PNPLA8: variants seen among roughly 807,000 people sequenced by gnomAD.
The protein encoded by PNPLA8 is patatin like domain 8, phospholipase A2.
Under a neutral mutation model 76.9 loss-of-function variants are expected in PNPLA8, and 39 were observed. That is an observed-to-expected ratio of 0.51 (90% CI 0.39 to 0.66). The LOEUF (loss-of-function observed/expected upper bound fraction) is 0.66. Among genes scored for constraint, PNPLA8 ranks in the 30% least tolerant of loss-of-function variants. PNPLA8 has a pLI of 0.00. For synonymous variants in PNPLA8, 301 were observed against 307.9 expected (o/e 0.98, Z 0.24); for missense variants, 887 against 918.0 (o/e 0.97, Z 0.44).
At chr7:108,488,032 A>G in intron 8 of PNPLA8, 79 bp from the exon 9 acceptor site, 1 of 758,440 alleles carries the variant, frequency 1.3e-6, no homozygotes, top group Non-Finnish European at 2.2e-6. Context: ...ACTATTTAGT[A>G]GTATGAATGA....
rs1005830372 is a variant in PNPLA8, at chr7:108,514,725, T to A, written c.767A>T (p.Tyr256Phe). 1 of 1,613,834 alleles carries A rather than the reference T, an allele frequency of 6.2e-7. No individual in the cohort carries two copies. The highest frequency in any genetic ancestry group is 1.3e-5 in the African/African-American group (1 of 74,898). Residue 256 changes from tyrosine (Y) to phenylalanine (F), a missense_variant, in exon 3 of 11, where the codon TAT becomes TTT. Tyr to Phe is a conservative substitution (Grantham distance 22). Coordinates refer to ENST00000257694, the MANE Select transcript of PNPLA8 (RefSeq NM_001256007.3). ...ATGTACAGATTCTGAGCCTGGCTTA[T>A]AAGCCAGGATGCCAGGATCTGGAGA... is the stretch of plus-strand genomic sequence containing the variant. Reference protein sequence around the residue: ...LRSPDPGILAYKPGSESVHTV... With the variant: ...LRSPDPGILAFKPGSESVHTV...
At chr7:108,503,154 C>T (rs1226837648) in intron 4 of PNPLA8, among the ~76,000 whole-genome samples, 2 of 152,094 alleles carry the variant, frequency 1.3e-5, no homozygotes, top group East Asian at 3.8e-4. Context: ...AAAAGCAGGC[C>T]ACTACAATTA....
At chr7:108,478,593 C>T (rs574401573) in intron 10 of PNPLA8, among the ~76,000 whole-genome samples, 16 of 152,118 alleles carry the variant, frequency 1.1e-4, no homozygotes, top group South Asian at 1.0e-3. Flanking sequence ...TGTTTTACCA[C>T]ACTGATCAGG....
intron 7 of PNPLA8, among the ~76,000 whole-genome samples, chr7:108,495,568 T>C (rs1007666415): frequency 7.9e-5 from 12 of 152,182 alleles, no homozygotes; most frequent in African/African-American, 2.4e-5. Context: ...GTTTTCTCGA[T>C]ATATTTTCTA....
At chr7:108,520,057 C>T (rs1863630292) in intron 2 of PNPLA8, among the ~76,000 whole-genome samples, 1 of 152,154 alleles carries the variant, frequency 6.6e-6, no homozygotes, top group South Asian at 2.1e-4. Context: ...CTGAAAATAG[C>T]TATATAAGTA....
In PNPLA8 at chr7:108,515,298, T is replaced by C. The variant is rs764276349; in HGVS notation, c.194A>G (p.His65Arg). 5 of 1,610,976 alleles carry C rather than the reference T, an allele frequency of 3.1e-6. No homozygotes were observed. Among genetic ancestry groups the C allele is most frequent in the Non-Finnish European group, 4.2e-6 (5 of 1,178,946 alleles). ...AGAGTAACAGTGCTTACTGCAAGAA[T>C]GTGCTTCACTTTTGGTCCATTTACA... is the stretch of plus-strand genomic sequence containing the variant. ...IRCKWTKSEA[H>R]SCSKHCYSPS... Residue 65 changes from histidine (H) to arginine (R), a missense_variant, in exon 3 of 11, where the codon CAT becomes CGT. Physicochemically the swap from His to Arg is conservative, Grantham distance 29. Transcript: ENST00000257694.
At chr7:108,490,601 G>A (rs1304468888) in intron 8 of PNPLA8, among the ~76,000 whole-genome samples, 1 of 152,018 alleles carries the variant, frequency 6.6e-6, no homozygotes, top group African/African-American at 2.4e-5. Flanking sequence ...GGCTAACATG[G>A]TGAAACCCTG....
Position 108,487,944 on chromosome 7 carries a change from C to CA in PNPLA8, c.1692dup (p.Val565CysfsTer7). 6.3e-7 allele frequency: 1 copy of CA among 1,597,798 alleles called. No individual in the cohort carries two copies. The highest frequency in any genetic ancestry group is 8.6e-7 in the Non-Finnish European group (1 of 1,168,362). ...ATCCCTCTATTTACTATGGTACTTA[C>CA]AGCAGCTACCTAGTGAATGAAAAAG... On this transcript the variant is annotated frameshift_variant, in exon 9 of 11. Coordinates refer to ENST00000257694, the MANE Select transcript of PNPLA8 (RefSeq NM_001256007.3). LOFTEE classifies it high-confidence loss of function.
intron 8 of PNPLA8, among the ~76,000 whole-genome samples, chr7:108,489,670 G>T (rs919536723): frequency 2.0e-5 from 3 of 152,156 alleles, no homozygotes; most frequent in Admixed American, 6.5e-5. Context: ...CTAGCAGTGG[G>T]TGTATAATTA....
rs67049113 is a variant in PNPLA8 at position 108,471,213 on chromosome 7, CTTTTTTTTTTTTT to C, written c.*1175_*1187del. ...TAAGGTAAAACAAGCCTAACTTCTTCTTTTTTTTTTTTTTTTTTTTGAGATGGAGTCTCGCTGT... is the reference window on the plus strand; with the variant it reads ...TAAGGTAAAACAAGCCTAACTTCTTCTTTTTTTGAGATGGAGTCTCGCTGT... On this transcript the variant is annotated 3_prime_UTR_variant, in exon 11 of 11. Transcript: ENST00000257694. 5 of 120,156 alleles carry C rather than the reference CTTTTTTTTTTTTT, an allele frequency of 4.2e-5. No individual in the cohort carries two copies. The highest frequency in any genetic ancestry group is 6.9e-5 in the Non-Finnish European group (4 of 57,902). 7.4% of individuals were successfully genotyped at this position (120,156 alleles called of 1,614,324 possible). A position where few individuals can be genotyped will look rare whatever the true frequency, so the allele number is the denominator to read the frequency against.
At chr7:108,477,550 TAGTAAAATG>T (rs1860087360) in intron 10 of PNPLA8, among the ~76,000 whole-genome samples, 1 of 152,106 alleles carries the variant, frequency 6.6e-6, no homozygotes, top group Admixed American at 6.6e-5. Flanking sequence ...AAAAACAAAA[TAGTAAAATG>T]AGGAAATCTA....
At chr7:108,475,656 T>C (rs1859936452) in intron 10 of PNPLA8, among the ~76,000 whole-genome samples, 1 of 152,212 alleles carries the variant, frequency 6.6e-6, no homozygotes, top group East Asian at 1.9e-4. Flanking sequence ...TTTAGTTTCC[T>C]TGGCCTCCTT....
upstream of PNPLA8, among the ~76,000 whole-genome samples, chr7:108,526,490 T>G (rs890869311): frequency 2.0e-5 from 3 of 152,160 alleles, no homozygotes; most frequent in African/African-American, 7.2e-5. Flanking sequence ...AGTGTCCTGG[T>G]TTGCTTGTTT....
rs1859640507 is a variant in PNPLA8, at chr7:108,471,663, A to ATC, written c.*736_*737dup. 1 of 152,232 alleles carries ATC rather than the reference A, an allele frequency of 6.6e-6. No individual in the cohort carries two copies. Among genetic ancestry groups the ATC allele is most frequent in the Admixed American group, 6.5e-5 (1 of 15,284 alleles). The allele number at this position is 152,232 out of a possible 1,614,324, so 9.4% of individuals were successfully genotyped here. On this transcript the variant is annotated 3_prime_UTR_variant, in exon 11 of 11. Transcript: ENST00000257694. ...GTTTATTTTTGTTAATGATAGGAAT[A>ATC]TCTCCTCAGTAAGTTCAAACCATTT...
At chr7:108,474,742 A>C (rs867439699) in intron 10 of PNPLA8, among the ~76,000 whole-genome samples, 1 of 152,214 alleles carries the variant, frequency 6.6e-6, no homozygotes. Flanking sequence ...TTGAGTTTAC[A>C]TGTATAAATC....
chr7:108,484,682 T>G (rs1860619963), intron 9 of PNPLA8, among the ~76,000 whole-genome samples: 1 of 152,206 alleles, frequency 6.6e-6, no homozygotes, highest in Non-Finnish European at 1.5e-5. Context: ...AAGCTGACCC[T>G]GACAGAATAA....
intron 5 of PNPLA8, among the ~76,000 whole-genome samples, chr7:108,502,037 A>C (rs976440064): frequency 6.6e-6 from 1 of 152,184 alleles, no homozygotes; most frequent in African/African-American, 2.4e-5. Flanking sequence ...CACTTAGATT[A>C]ATAAAGTATT....
rs1300131823 is a variant in PNPLA8, at chr7:108,471,181, G to A, written c.*1220C>T. On this transcript the variant is annotated 3_prime_UTR_variant, in exon 11 of 11. Transcript: ENST00000257694. ...TCCATGAAATCCAGACAGTTCAAAG[G>A]AGTTAATAAGGTAAAACAAGCCTAA... The A allele has an allele frequency of 6.6e-6, 1 of 151,470 alleles. No individual in the cohort carries two copies. The highest frequency in any genetic ancestry group is 2.4e-5 in the African/African-American group (1 of 41,166). The allele number at this position is 151,470 out of a possible 1,614,324, so 9.4% of individuals were successfully genotyped here. A position where few individuals can be genotyped will look rare whatever the true frequency, so the allele number is the denominator to read the frequency against.
chr7:108,488,839 G>T (rs1459959224), intron 8 of PNPLA8, among the ~76,000 whole-genome samples: 3 of 152,150 alleles, frequency 2.0e-5, no homozygotes, highest in Non-Finnish European at 4.4e-5. Context: ...TTTTATTAAT[G>T]ATCTGTAATA....
Sources: gnomAD v4.1 joint callset for allele counts (sites outside exome capture counted in the v4.1 genomes callset) on GRCh38, gnomAD v4.1.1 for gene constraint, MANE v1.5 for transcripts, NCBI Gene and HGNC (gene_info 2026-07-23, HGNC 2026-07-21) for gene names.